GPR39: variants seen among roughly 807,000 people sequenced by gnomAD.
The protein encoded by GPR39 is zinc sensing receptor.
GPR39 carries 23 observed loss-of-function variants against 18.4 expected under a neutral mutation model. The observed-to-expected ratio is 1.25, with a 90% CI of 0.90 to 1.77. The LOEUF is 1.77. GPR39 is among the 40% of genes most tolerant of loss of function. The pLI is 0.00. For synonymous variants in GPR39, 280 were observed against 257.9 expected (o/e 1.09, Z -0.82); for missense variants, 647 against 602.4 (o/e 1.07, Z -0.78).
chr2:132,595,002 T>A (rs1000586270), intron 1 of GPR39, among the ~76,000 whole-genome samples: 1 of 152,122 alleles, frequency 6.6e-6, no homozygotes, highest in Admixed American at 6.5e-5. Flanking sequence ...TTGTTGTTGT[T>A]GTTTCCTTTT....
intron 1 of GPR39, among the ~76,000 whole-genome samples, chr2:132,571,916 G>C (rs1445649985): frequency 6.6e-6 from 1 of 152,186 alleles, no homozygotes; most frequent in Admixed American, 6.5e-5. Flanking sequence ...CTCTTAGGGA[G>C]GGCAATGGCT....
chr2:132,502,460 T>G (rs1210986628), intron 1 of GPR39, among the ~76,000 whole-genome samples: 1 of 152,232 alleles, frequency 6.6e-6, no homozygotes, highest in Non-Finnish European at 1.5e-5. Flanking sequence ...TAGATTTTCC[T>G]TTATAGGTTA....
chr2:132,489,324 G>C (rs550744099), intron 1 of GPR39, among the ~76,000 whole-genome samples: 1 of 152,188 alleles, frequency 6.6e-6, no homozygotes, highest in Admixed American at 6.5e-5. Flanking sequence ...TGGGCTTGGT[G>C]CCGGCAGCAC....
intron 1 of GPR39, among the ~76,000 whole-genome samples, chr2:132,483,960 A>T (rs1681283429): frequency 1.3e-5 from 2 of 152,214 alleles, no homozygotes; most frequent in South Asian, 4.1e-4. Context: ...TAGTTGGTGG[A>T]TCAAAGTGTA....
chr2:132,430,942 CT>C (rs1334515566), intron 1 of GPR39, among the ~76,000 whole-genome samples: 4 of 152,172 alleles, frequency 2.6e-5, no homozygotes, highest in South Asian at 2.1e-4. Flanking sequence ...CCCCTTCCCC[CT>C]GGCTGAGTCC....
At chr2:132,585,963 T>TG (rs1271855496) in intron 1 of GPR39, among the ~76,000 whole-genome samples, 5 of 144,138 alleles carry the variant, frequency 3.5e-5, no homozygotes, top group East Asian at 4.2e-4. Flanking sequence ...TTTTTTTTTT[T>TG]TTTTTTTTTA....
intron 1 of GPR39, among the ~76,000 whole-genome samples, chr2:132,556,241 G>A (rs959153892): frequency 6.6e-6 from 1 of 152,130 alleles, no homozygotes; most frequent in Non-Finnish European, 1.5e-5. Context: ...TTATGTAAAT[G>A]TACGAATCAG....
chr2:132,553,313 ATGTG>A (rs149187122), intron 1 of GPR39, among the ~76,000 whole-genome samples: 1,642 of 146,226 alleles, frequency 0.011, 73 homozygotes, highest in Admixed American at 0.081. Flanking sequence ...ATATGTATAT[ATGTG>A]TGTGTGTGTG....
intron 1 of GPR39, among the ~76,000 whole-genome samples, chr2:132,582,568 C>A (rs1413767708): frequency 6.6e-6 from 1 of 152,156 alleles, no homozygotes; most frequent in African/African-American, 2.4e-5. Context: ...CCTTACAGAG[C>A]CACAGAGCCC....
intron 1 of GPR39, among the ~76,000 whole-genome samples, chr2:132,514,694 GA>G (rs921271503): frequency 6.6e-6 from 1 of 152,288 alleles, no homozygotes; most frequent in East Asian, 1.9e-4. Flanking sequence ...CTACACCGTG[GA>G]AGAGATAATG....
chr2:132,482,595 G>A (rs1221424696), intron 1 of GPR39, among the ~76,000 whole-genome samples: 4 of 152,144 alleles, frequency 2.6e-5, no homozygotes, highest in African/African-American at 9.7e-5. Context: ...GGATGTGGAT[G>A]TCCTGGAGGG....
At chr2:132,608,888 G>T (rs762890020) in intron 1 of GPR39, among the ~76,000 whole-genome samples, 6 of 152,192 alleles carry the variant, frequency 3.9e-5, no homozygotes, top group Non-Finnish European at 8.8e-5. Flanking sequence ...GAGGGCCTCA[G>T]TGAGGATCTG....
intron 1 of GPR39, among the ~76,000 whole-genome samples, chr2:132,545,741 T>C (rs2104789938): frequency 6.6e-6 from 1 of 152,104 alleles, no homozygotes; most frequent in South Asian, 2.1e-4. Context: ...AAGAATCAAC[T>C]GGAGATCTTG....
chr2:132,520,435 C>T (rs1679401190), intron 1 of GPR39, among the ~76,000 whole-genome samples: 1 of 152,208 alleles, frequency 6.6e-6, no homozygotes, highest in South Asian at 2.1e-4. Context: ...TGGCCAGACC[C>T]ATGATGCAGT....
chr2:132,424,290 G>A (rs1237938950), intron 1 of GPR39, among the ~76,000 whole-genome samples: 1 of 152,044 alleles, frequency 6.6e-6, no homozygotes. Flanking sequence ...TTTAACAAGG[G>A]GTCCTCAAGG....
chr2:132,571,577 G>A (rs1206203673), intron 1 of GPR39, among the ~76,000 whole-genome samples: 2 of 152,142 alleles, frequency 1.3e-5, no homozygotes, highest in Non-Finnish European at 2.9e-5. Flanking sequence ...CTTAATTGAA[G>A]TTTCATTACC....
intron 1 of GPR39, among the ~76,000 whole-genome samples, chr2:132,520,439 A>G (rs1035991867): frequency 1.7e-4 from 26 of 152,158 alleles, no homozygotes; most frequent in African/African-American, 6.0e-4. Context: ...CAGACCCATG[A>G]TGCAGTGGTT....
At chr2:132,625,584 G>T (rs12185667) in intron 1 of GPR39, among the ~76,000 whole-genome samples, 20,821 of 152,118 alleles carry the variant, frequency 0.14, 1,686 homozygotes, top group Middle Eastern at 0.23. Context: ...AGAACAGAAG[G>T]GGGGGAAATG....
intron 1 of GPR39, among the ~76,000 whole-genome samples, chr2:132,485,070 T>C (rs1681305119): frequency 6.6e-6 from 1 of 152,216 alleles, no homozygotes; most frequent in Admixed American, 6.5e-5. Context: ...AGGCATACCT[T>C]GGAGACATCG....
Sources: allele counts gnomAD v4.1 joint callset (sites outside exome capture counted in the v4.1 genomes callset), GRCh38; gene constraint gnomAD v4.1.1; transcripts MANE v1.5; gene names NCBI Gene and HGNC (gene_info 2026-07-23, HGNC 2026-07-21).